Variants in PTPRT observed in about 807,000 individuals in gnomAD.
PTPRT encodes protein tyrosine phosphatase receptor type T.
A neutral mutation model predicts 176.8 loss-of-function variants in PTPRT; 56 were observed. That is an observed-to-expected ratio of 0.32 (90% CI 0.26 to 0.40). The LOEUF is 0.40. PTPRT is among the 10% of genes least tolerant of loss of function. The pLI is 1.00. For synonymous variants in PTPRT, 783 were observed against 739.0 expected (o/e 1.06, Z -0.96); for missense variants, 1,540 against 1,908.2 (o/e 0.81, Z 3.60).
At chr20:42,275,734 C>T (rs768901963) in intron 13 of PTPRT, among the ~76,000 whole-genome samples, 1 of 152,250 alleles carries the variant, frequency 6.6e-6, no homozygotes, top group Middle Eastern at 3.4e-3. Context: ...TCTCTTCCTC[C>T]AACTTCTTGC....
At chr20:42,050,946 A>G in the PTPRT span, among the ~76,000 whole-genome samples, 4 of 152,252 alleles carry the variant, frequency 2.6e-5, no homozygotes, top group Non-Finnish European at 5.9e-5. Flanking sequence ...ATTGAGAAAC[A>G]TTGGCTCAAC....
intron 6 of PTPRT, among the ~76,000 whole-genome samples, chr20:42,700,549 G>A (rs944047170): frequency 2.0e-5 from 3 of 152,166 alleles, no homozygotes; most frequent in African/African-American, 7.2e-5. Flanking sequence ...TATTAAACAA[G>A]CCGACCTTAT....
At chr20:42,178,009 C>A (rs142374210) in intron 16 of PTPRT, among the ~76,000 whole-genome samples, 1,661 of 152,036 alleles carry the variant, frequency 0.011, 32 homozygotes, top group African/African-American at 0.039. Context: ...ATGATCTTGG[C>A]TCAGTGCAAC....
intron 6 of PTPRT, among the ~76,000 whole-genome samples, chr20:42,736,719 A>C (rs919856632): frequency 6.6e-6 from 1 of 152,212 alleles, no homozygotes; most frequent in Non-Finnish European, 1.5e-5. Context: ...CACGGGGTAC[A>C]ATTTATGCCC....
chr20:42,228,497 TAGC>T (rs2056067925), intron 15 of PTPRT, among the ~76,000 whole-genome samples: 1 of 152,244 alleles, frequency 6.6e-6, no homozygotes, highest in Non-Finnish European at 1.5e-5. Flanking sequence ...CTCATTGTAA[TAGC>T]AGTCATTAAT....
chr20:42,241,658 G>A (rs1414005811), intron 14 of PTPRT, among the ~76,000 whole-genome samples: 4 of 152,004 alleles, frequency 2.6e-5, no homozygotes, highest in African/African-American at 9.7e-5. Flanking sequence ...AAATCAAAAG[G>A]TGATTAAATG....
chr20:43,037,041 A>G (rs1331889095), intron 1 of PTPRT, among the ~76,000 whole-genome samples: 1 of 152,260 alleles, frequency 6.6e-6, no homozygotes, highest in East Asian at 1.9e-4. Flanking sequence ...ACATAAACAT[A>G]CAACATTAGA....
Position 42,997,803 on chromosome 20 carries a change from C to A in PTPRT, c.89-111871G>T, listed in dbSNP as rs11905176. ...TCAGTAACTTTCCAAAGTCACACAG[C>A]TAATAAAGGTCATGACCAGGATTCA... On this transcript the variant is annotated intron_variant, in intron 1 of 30. Coordinates refer to ENST00000373187, the MANE Select transcript of PTPRT (RefSeq NM_007050.6). Among the ~76,000 whole-genome samples, 770 of 152,196 alleles carry A rather than the reference C, an allele frequency of 5.1e-3. 6 individuals carry two copies. The highest frequency in any genetic ancestry group is 0.017 in the African/African-American group (713 of 41,526).
At chr20:42,420,666 C>T (rs1363638152) in intron 9 of PTPRT, among the ~76,000 whole-genome samples, 1 of 152,158 alleles carries the variant, frequency 6.6e-6, no homozygotes, top group Non-Finnish European at 1.5e-5. Context: ...TCCTCACAGC[C>T]CCCACCTTTT....
At chr20:42,489,341 G>A (rs1459113468) in intron 7 of PTPRT, among the ~76,000 whole-genome samples, 1 of 151,974 alleles carries the variant, frequency 6.6e-6, no homozygotes, top group Non-Finnish European at 1.5e-5. Context: ...GATATCACCT[G>A]TCACTTTCAG....
chr20:42,151,471 A>G (rs893542481), intron 17 of PTPRT, among the ~76,000 whole-genome samples: 1 of 152,230 alleles, frequency 6.6e-6, no homozygotes, highest in Non-Finnish European at 1.5e-5. Context: ...TGCAAAGGAC[A>G]TGAACTCATT....
intron 30 of PTPRT, 40 bp from the exon 31 acceptor site, chr20:42,080,972 G>A (rs1375235236): frequency 2.0e-6 from 3 of 1,481,976 alleles, no homozygotes; most frequent in Non-Finnish European, 2.8e-6. Context: ...AGGGAGAAGA[G>A]GAGACGAGAG....
chr20:42,441,453 C>G (rs903892517), intron 9 of PTPRT, among the ~76,000 whole-genome samples: 5 of 152,180 alleles, frequency 3.3e-5, no homozygotes, highest in Admixed American at 2.6e-4. Flanking sequence ...AGAGGAGCGG[C>G]AGGTGAAGAT....
At chr20:42,477,468 G>A (rs1213884666) in intron 7 of PTPRT, among the ~76,000 whole-genome samples, 2 of 152,136 alleles carry the variant, frequency 1.3e-5, no homozygotes, top group African/African-American at 4.8e-5. Context: ...TGTGATGGAA[G>A]CATTCATGCT....
At chr20:42,177,183 A>C (rs1003158246) in intron 16 of PTPRT, among the ~76,000 whole-genome samples, 1 of 152,160 alleles carries the variant, frequency 6.6e-6, no homozygotes, top group Non-Finnish European at 1.5e-5. Flanking sequence ...AGTGGGCTGA[A>C]GTGTGGCCTG....
intron 7 of PTPRT, among the ~76,000 whole-genome samples, chr20:42,558,470 C>A (rs528861359): frequency 6.6e-6 from 1 of 152,116 alleles, no homozygotes; most frequent in Admixed American, 6.6e-5. Context: ...ATTTATATTC[C>A]TTTGAGTATA....
intron 11 of PTPRT, among the ~76,000 whole-genome samples, chr20:42,328,301 A>C (rs965631832): frequency 3.3e-5 from 5 of 152,144 alleles, no homozygotes; most frequent in African/African-American, 4.8e-5. Flanking sequence ...TAGAATAAAC[A>C]ACACTAGAGC....
chr20:43,000,554 G>C (rs6130277), intron 1 of PTPRT, among the ~76,000 whole-genome samples: 1 of 151,994 alleles, frequency 6.6e-6, no homozygotes, highest in Non-Finnish European at 1.5e-5. Flanking sequence ...ACATGATAGA[G>C]CTAGGAAAAA....
At chr20:42,535,877 G>C (rs2072467799) in intron 7 of PTPRT, among the ~76,000 whole-genome samples, 1 of 152,084 alleles carries the variant, frequency 6.6e-6, no homozygotes, top group Admixed American at 6.5e-5. Context: ...GCCAGATCAG[G>C]GGCAACACAA....
Sources: allele counts gnomAD v4.1 joint callset (sites outside exome capture counted in the v4.1 genomes callset), GRCh38; gene constraint gnomAD v4.1.1; transcripts MANE v1.5; gene names NCBI Gene and HGNC (gene_info 2026-07-23, HGNC 2026-07-21).